PCDHA6: variants seen among roughly 807,000 people sequenced by gnomAD.
The protein encoded by PCDHA6 is protocadherin alpha 6.
PCDHA6 carries 55 observed loss-of-function variants against 60.3 expected under a neutral mutation model. The ratio of observed to expected loss-of-function variants is 0.91; its 90% confidence interval spans 0.73 to 1.14. The LOEUF is 1.14. Ranked by LOEUF, PCDHA6 falls within the 50% of genes most tolerant of loss-of-function variation. The pLI, the probability that PCDHA6 is intolerant of heterozygous loss-of-function variation, is 0.00. For missense variants in PCDHA6, 1,327 were observed against 1,256.5 expected (o/e 1.06, Z -0.85); for synonymous variants, 652 against 557.9 (o/e 1.17, Z -2.38).
At chr5:140,934,508 C>G (rs2089875994) in intron 1 of PCDHA6, among the ~76,000 whole-genome samples, 1 of 152,096 alleles carries the variant, frequency 6.6e-6, no homozygotes, top group African/African-American at 2.4e-5. Flanking sequence ...CCCAAAGGGT[C>G]CATAGACCAC....
At position 140,982,438 on chromosome 5, in the gene PCDHA6, T is replaced by C. The variant is rs782761318; in HGVS notation, c.2454-37T>C. On this transcript the variant is annotated intron_variant, in intron 2 of 3. Coordinates refer to ENST00000529310, the MANE Select transcript of PCDHA6 (RefSeq NM_018909.4). ...GGAAGAAGAGATGGGAAAGAATTTA[T>C]GATCTAACCGTTATCTGGGTCTGTG... is the stretch of plus-strand genomic sequence containing the variant. The C allele has an allele frequency of 3.1e-6, 5 of 1,611,448 alleles. No individual in the cohort carries two copies. The South Asian group carries it at 5.5e-5, about 18-fold the overall frequency.
In PCDHA6 at chr5:140,928,040, GC is replaced by G. The variant is rs782389793; in HGVS notation, c.2395-50906del. The G allele has an allele frequency of 2.1e-4, 337 of 1,614,060 alleles. 1 individual carries two copies. Among genetic ancestry groups the G allele is most frequent in the Non-Finnish European group, 2.6e-4 (309 of 1,180,038 alleles). ...GTCATTTGTGGCATGTCTAGTGCAG[GC>G]CCTTTTCAGCTGACGGCTTCCTTTG... is the stretch of plus-strand genomic sequence containing the variant. On this transcript the variant is annotated intron_variant, in intron 1 of 3. Coordinates refer to ENST00000529310, the MANE Select transcript of PCDHA6 (RefSeq NM_018909.4).
chr5:140,973,493 C>T (rs1050229284), intron 1 of PCDHA6, among the ~76,000 whole-genome samples: 1 of 152,116 alleles, frequency 6.6e-6, no homozygotes, highest in African/African-American at 2.4e-5. Context: ...TCACAGGACT[C>T]TTCTTCTGAG....
chr5:140,861,449 C>A (rs1448075777), intron 1 of PCDHA6: 11 of 493,904 alleles, frequency 2.2e-5, no homozygotes, highest in Admixed American at 1.0e-4. Flanking sequence ...GCCGCAGAAA[C>A]CTTCTGGAGG....
intron 1 of PCDHA6, among the ~76,000 whole-genome samples, chr5:140,839,392 GA>G (rs2150297449): frequency 1.4e-5 from 2 of 147,944 alleles, no homozygotes; most frequent in African/African-American, 4.9e-5. Context: ...TGATGATGAT[GA>G]TGATTATTAT....
chr5:140,875,002 T>C (rs1441765842), intron 1 of PCDHA6, among the ~76,000 whole-genome samples: 2 of 152,238 alleles, frequency 1.3e-5, no homozygotes, highest in African/African-American at 4.8e-5. Context: ...TCATTTTCCA[T>C]GATAAAGTGT....
At chr5:140,910,482 C>T (rs1439012617) in intron 1 of PCDHA6, among the ~76,000 whole-genome samples, 3 of 152,178 alleles carry the variant, frequency 2.0e-5, no homozygotes, top group African/African-American at 7.2e-5. Flanking sequence ...ATCTGGCATA[C>T]AGAGAAGAGC....
At position 140,842,992 on chromosome 5, in the gene PCDHA6, C is replaced by T. The variant is rs144435690; in HGVS notation, c.2394+12507C>T. The T allele has an allele frequency of 5.2e-4, 826 of 1,594,968 alleles. 57 individuals carry two copies. In the African/African-American group the frequency reaches 9.5e-3, roughly 18 times the overall value. On this transcript the variant is annotated intron_variant, in intron 1 of 3. Transcript: ENST00000529310. ...TGACGCTGCAGGTGTTCGTGCTGGA[C>T]GAGAATGACAACGCGCCGGCACTGC...
In PCDHA6 at chr5:140,850,346, C is replaced by A. The variant is rs2150480590; in HGVS notation, c.2394+19861C>A. On this transcript the variant is annotated intron_variant, in intron 1 of 3. Transcript: ENST00000529310. ...ACGAGCTGCAGCCAGAAACGGCCAGCGCGAGCATCCCGTTCCGCGTGGGGC... is the reference window on the plus strand; with the variant it reads ...ACGAGCTGCAGCCAGAAACGGCCAGAGCGAGCATCCCGTTCCGCGTGGGGC... 9 of 1,597,626 alleles carry A rather than the reference C, an allele frequency of 5.6e-6. 1 individual carries two copies. In the East Asian group the frequency reaches 2.0e-4, roughly 36 times the overall value.
At chr5:140,841,804 T>A in intron 1 of PCDHA6, 1 of 1,613,910 alleles carries the variant, frequency 6.2e-7, no homozygotes, top group African/African-American at 1.3e-5. Flanking sequence ...CCGATGCAGA[T>A]GTTGGAGCTA....
chr5:140,928,572 C>T, intron 1 of PCDHA6: 1 of 1,614,200 alleles, frequency 6.2e-7, no homozygotes, highest in Non-Finnish European at 8.5e-7. Flanking sequence ...TTCCCTTGCC[C>T]AGAAATGGTT....
chr5:140,829,772 A>C lies in PCDHA6; in HGVS notation c.1681A>C (p.Asn561His). Reference protein sequence around the residue: ...LQVFVLDENDNAPALLAPRVG... With the variant: ...LQVFVLDENDHAPALLAPRVG... ...GGTGTTCGTGCTGGACGAGAACGAC[A>C]ACGCGCCGGCGCTGCTGGCGCCTCG... Residue 561 changes from asparagine to histidine, a missense_variant, in exon 1 of 4, where the codon AAC (asparagine) becomes CAC (histidine). Coordinates refer to ENST00000529310, the MANE Select transcript of PCDHA6 (RefSeq NM_018909.4). 6.2e-7 allele frequency: 1 copy of C among 1,613,784 alleles called. No homozygotes were observed. Among genetic ancestry groups the C allele is most frequent in the Non-Finnish European group, 8.5e-7 (1 of 1,179,862 alleles).
At chr5:140,941,406 T>C (rs1381146519) in intron 1 of PCDHA6, among the ~76,000 whole-genome samples, 1 of 146,240 alleles carries the variant, frequency 6.8e-6, no homozygotes, top group Non-Finnish European at 1.5e-5. Context: ...AACCTCCGCC[T>C]CCCGGGTTCA....
At chr5:140,897,395 G>A (rs1583270355) in intron 1 of PCDHA6, among the ~76,000 whole-genome samples, 1 of 135,586 alleles carries the variant, frequency 7.4e-6, no homozygotes, top group Middle Eastern at 5.0e-3. Flanking sequence ...GTGTCCATGT[G>A]TTCTCATTGT....
chr5:140,856,105 C>T (rs1287720041), intron 1 of PCDHA6: 2 of 1,598,000 alleles, frequency 1.3e-6, no homozygotes, highest in Non-Finnish European at 1.7e-6. Flanking sequence ...CGCTTCTTCT[C>T]CTCGCAGCCT....
intron 3 of PCDHA6, among the ~76,000 whole-genome samples, chr5:141,007,475 C>T (rs575810038): frequency 1.2e-4 from 18 of 151,396 alleles, no homozygotes; most frequent in Non-Finnish European, 2.1e-4. Flanking sequence ...GGCTGAGGCA[C>T]GAGAATTACT....
chr5:140,869,934 A>ATTTTTTTTC, intron 1 of PCDHA6: 1 of 1,612,052 alleles, frequency 6.2e-7, no homozygotes, highest in African/African-American at 1.3e-5. Context: ...ATGGAGAGGT[A>ATTTTTTTTC]ACATACTCCT....
Position 140,829,994 on chromosome 5 carries a change from C to G in PCDHA6, c.1903C>G (p.Arg635Gly), listed in dbSNP as rs1554132448. 1.9e-6 allele frequency: 3 copies of G among 1,613,866 alleles called. No individual in the cohort carries two copies. The highest frequency in any genetic ancestry group is 2.5e-6 in the Non-Finnish European group (3 of 1,179,938). The change falls in exon 1 of 4, where the codon CGT becomes GGT. Residue 635 changes from arginine to glycine, a missense_variant. By Grantham distance (125) the Arg-to-Gly change is moderately radical (BLOSUM62 -2). Transcript: ENST00000529310. ...GTACACGGGCGAGATCAGCACCACT[C>G]GTGTCCTGGACGAAGCGGACTCTCC... ...GLYTGEISTTRVLDEADSPRH... is the reference protein window; with the variant it reads ...GLYTGEISTTGVLDEADSPRH...
intron 1 of PCDHA6, among the ~76,000 whole-genome samples, chr5:140,840,275 G>C (rs1776636892): frequency 6.6e-6 from 1 of 151,944 alleles, no homozygotes; most frequent in Non-Finnish European, 1.5e-5. Flanking sequence ...AATGATTTGG[G>C]TTTTGGGTGA....
Sources: gnomAD v4.1 joint callset for allele counts (sites outside exome capture counted in the v4.1 genomes callset) on GRCh38, gnomAD v4.1.1 for gene constraint, MANE v1.5 for transcripts, NCBI Gene and HGNC (gene_info 2026-07-23, HGNC 2026-07-21) for gene names.